TIMMDC1: variants seen among roughly 807,000 people sequenced by gnomAD.
TIMMDC1 encodes the protein translocase of inner mitochondrial membrane domain containing 1, also known as complex I assembly factor TIMMDC1, mitochondrial.
In TIMMDC1, 25 loss-of-function variants were observed where a neutral mutation model predicts 32.6. The observed-to-expected ratio is 0.77, with a 90% CI of 0.56 to 1.07. The LOEUF (loss-of-function observed/expected upper bound fraction) is 1.07. Among genes scored for constraint, TIMMDC1 ranks in the 50% least tolerant of loss-of-function variants. The probability of loss-of-function intolerance (pLI) is 0.00; values close to 1 mark genes in which losing one functional copy is unlikely to be tolerated. For synonymous variants in TIMMDC1, 130 were observed against 127.6 expected (o/e 1.02, Z -0.13); for missense variants, 329 against 349.2 (o/e 0.94, Z 0.46).
intron 6 of TIMMDC1, among the ~76,000 whole-genome samples, chr3:119,518,489 G>A (rs973373573): frequency 6.6e-6 from 1 of 151,658 alleles, no homozygotes; most frequent in Non-Finnish European, 1.5e-5. Flanking sequence ...AAAGCATTGA[G>A]GTTGCAGTGA....
In TIMMDC1 at chr3:119,504,012, A is replaced by G; in HGVS notation, c.508A>G (p.Ile170Val). 1 of 1,611,832 alleles carries G rather than the reference A, an allele frequency of 6.2e-7. No individual in the cohort carries two copies. Among genetic ancestry groups the G allele is most frequent in the African/African-American group, 1.3e-5 (1 of 75,004 alleles). The change falls in exon 4 of 7, where the codon ATT (isoleucine) becomes GTT (valine). Residue 170 changes from isoleucine (I) to valine (V), a missense_variant. Physicochemically the swap from Ile to Val is conservative, Grantham distance 29. Transcript: ENST00000494664. ...RNKDALSHFV[I>V]AGAVTGSLFR... ...TAAAGATGCCTTAAGCCATTTTGTA[A>G]TTGCAGGAGGTAAGACATTTTTGTT...
Position 119,523,812 on chromosome 3 carries a change from G to A in TIMMDC1, c.*56G>A. ...GCTGAAGGGAGCTGCCATGTCCGAT[G>A]AATGCCAACAGACAGGCCACTCTTT... On this transcript the variant is annotated 3_prime_UTR_variant, in exon 7 of 7. Coordinates refer to ENST00000494664, the MANE Select transcript of TIMMDC1 (RefSeq NM_016589.4). 1 of 1,469,252 alleles carries A rather than the reference G, an allele frequency of 6.8e-7. No individual in the cohort carries two copies. The highest frequency in any genetic ancestry group is 9.0e-7 in the Non-Finnish European group (1 of 1,105,790). The allele number at this position is 1,469,252 out of a possible 1,614,324, so 91.0% of individuals were successfully genotyped here. A position where few individuals can be genotyped will look rare whatever the true frequency, so the allele number is the denominator to read the frequency against.
At chr3:119,518,228 C>A (rs1229179213) in intron 6 of TIMMDC1, among the ~76,000 whole-genome samples, 1 of 152,144 alleles carries the variant, frequency 6.6e-6, no homozygotes, top group Non-Finnish European at 1.5e-5. Context: ...ATGAATATAA[C>A]AGGCTGCCAT....
intron 4 of TIMMDC1, among the ~76,000 whole-genome samples, chr3:119,509,600 C>T (rs1459239164): frequency 6.6e-6 from 1 of 151,918 alleles, no homozygotes; most frequent in Non-Finnish European, 1.5e-5. Flanking sequence ...CAGGAGTAAC[C>T]ACAAATGGGC....
chr3:119,499,604 G>C (rs1223068030), intron 1 of TIMMDC1, among the ~76,000 whole-genome samples: 1 of 150,700 alleles, frequency 6.6e-6, no homozygotes, highest in Non-Finnish European at 1.5e-5. Flanking sequence ...TTTTAGTAGA[G>C]ACAGGATTTC....
intron 6 of TIMMDC1, among the ~76,000 whole-genome samples, chr3:119,523,193 A>C (rs1238150524): frequency 1.3e-5 from 2 of 152,208 alleles, no homozygotes; most frequent in Non-Finnish European, 2.9e-5. Flanking sequence ...GCCTTTGACC[A>C]GTTCCTAAAA....
At chr3:119,499,091 T>C (rs1333710445) in intron 1 of TIMMDC1, 164 bp downstream of exon 1, 2 of 549,368 alleles carry the variant, frequency 3.6e-6, no homozygotes, top group Non-Finnish European at 6.1e-6. Flanking sequence ...CTTTTTTCTT[T>C]CTTTTTTTTT....
At chr3:119,504,988 G>A (rs1478221002) in intron 4 of TIMMDC1, among the ~76,000 whole-genome samples, 1 of 150,610 alleles carries the variant, frequency 6.6e-6, no homozygotes. Flanking sequence ...TGAGGCAGGA[G>A]AATCACTTGA....
intron 4 of TIMMDC1, among the ~76,000 whole-genome samples, chr3:119,510,792 T>C (rs1454118872): frequency 6.6e-6 from 1 of 152,204 alleles, no homozygotes; most frequent in Non-Finnish European, 1.5e-5. Context: ...CCATAAAAGA[T>C]TGGGGAAAAT....
intron 4 of TIMMDC1, among the ~76,000 whole-genome samples, chr3:119,509,742 G>T (rs997603343): frequency 6.7e-6 from 1 of 150,190 alleles, no homozygotes; most frequent in Non-Finnish European, 1.5e-5. Context: ...CTGGAGTGCA[G>T]TGGTGCGATC....
chr3:119,521,721 C>CT (rs1350665107), intron 6 of TIMMDC1, among the ~76,000 whole-genome samples: 2 of 150,052 alleles, frequency 1.3e-5, no homozygotes, highest in East Asian at 3.9e-4. Context: ...GGCGGGGGAG[C>CT]TTGGGGGGAA....
At chr3:119,516,985 T>C (rs1474277230) in intron 5 of TIMMDC1, among the ~76,000 whole-genome samples, 2 of 152,236 alleles carry the variant, frequency 1.3e-5, no homozygotes, top group Non-Finnish European at 2.9e-5. Flanking sequence ...CAGTTAACTT[T>C]AGGAGGTTGT....
At chr3:119,503,368 G>A (rs750026004) in intron 2 of TIMMDC1, among the ~76,000 whole-genome samples, 164 bp from the exon 3 acceptor site, 2 of 152,118 alleles carry the variant, frequency 1.3e-5, no homozygotes, top group Admixed American at 6.5e-5. Context: ...GAACTTTTAC[G>A]TAAGCCTCAA....
intron 5 of TIMMDC1, among the ~76,000 whole-genome samples, chr3:119,514,351 G>T (rs2081972570): frequency 6.6e-6 from 1 of 151,966 alleles, no homozygotes; most frequent in South Asian, 2.1e-4. Context: ...TTTGCTTCTT[G>T]GCTAAACTGT....
intron 4 of TIMMDC1, among the ~76,000 whole-genome samples, chr3:119,511,578 AGAAACTAG>A (rs1341324735): frequency 1.8e-4 from 27 of 152,214 alleles, no homozygotes; most frequent in Admixed American, 1.4e-3. Flanking sequence ...ATAAGAACTA[AGAAACTAG>A]GAAACAGGAA....
rs111736112 is a variant in TIMMDC1 at position 119,504,153 on chromosome 3, G to A, written c.517+132G>A. The A allele has an allele frequency of 2.7e-3, 1,801 of 664,342 alleles. 14 individuals are homozygous for A. The African/African-American group carries it at 0.03, about 11-fold the overall frequency. The allele number at this position is 664,342 out of a possible 1,614,324, so 41.2% of individuals were successfully genotyped here. A position where few individuals can be genotyped will look rare whatever the true frequency, so the allele number is the denominator to read the frequency against. On this transcript the variant is annotated intron_variant, in intron 4 of 6. Coordinates refer to ENST00000494664, the MANE Select transcript of TIMMDC1 (RefSeq NM_016589.4). ...CATCTCATCAACATTGATGCAAAAT[G>A]TATTTATGGACAGTGTTGTGCTTCA...
intron 4 of TIMMDC1, among the ~76,000 whole-genome samples, chr3:119,506,211 C>T (rs567938615): frequency 6.6e-6 from 1 of 152,196 alleles, no homozygotes; most frequent in Non-Finnish European, 1.5e-5. Context: ...CCTGCTGTTA[C>T]GTTCTCTGTC....
At chr3:119,500,568 C>T (rs753941959) in intron 1 of TIMMDC1, 127 bp from the exon 2 acceptor site, 22 of 807,004 alleles carry the variant, frequency 2.7e-5, no homozygotes, top group Non-Finnish European at 4.1e-5. Context: ...TTTAATTCAT[C>T]TGAGAATTCT....
chr3:119,505,759 A>G (rs1176344307), intron 4 of TIMMDC1, among the ~76,000 whole-genome samples: 1 of 152,238 alleles, frequency 6.6e-6, no homozygotes, highest in Non-Finnish European at 1.5e-5. Flanking sequence ...TATCCTTCAC[A>G]TACAGAGACT....
Sources: allele counts gnomAD v4.1 joint callset (sites outside exome capture counted in the v4.1 genomes callset), GRCh38; gene constraint gnomAD v4.1.1; transcripts MANE v1.5; gene names NCBI Gene and HGNC (gene_info 2026-07-23, HGNC 2026-07-21).